The following SOX5 variants were observed in gnomAD, a reference collection of about 807,000 sequenced individuals.
The protein encoded by SOX5 is SRY-box transcription factor 5.
Under a neutral mutation model 92.0 loss-of-function variants are expected in SOX5, and 9 were observed. The observed-to-expected ratio is 0.10, with a 90% CI of 0.06 to 0.17. The LOEUF is 0.17. SOX5 is among the 10% of genes least tolerant of loss of function. The pLI, the probability that SOX5 is intolerant of heterozygous loss-of-function variation, is 1.00. For missense variants in SOX5, 642 were observed against 944.5 expected (o/e 0.68, Z 4.20); for synonymous variants, 344 against 336.3 (o/e 1.02, Z -0.25).
intron 2 of SOX5, among the ~76,000 whole-genome samples, chr12:24,346,135 G>T (rs1027105008): frequency 1.3e-5 from 2 of 152,150 alleles, no homozygotes; most frequent in African/African-American, 4.8e-5. Flanking sequence ...CTAGATTCAG[G>T]TCCTTTTATT....
intron 3 of SOX5, among the ~76,000 whole-genome samples, chr12:23,795,269 A>AC (rs1169787613): frequency 6.7e-6 from 1 of 148,298 alleles, no homozygotes; most frequent in Non-Finnish European, 1.5e-5. Context: ...TTTACCATTG[A>AC]CTTTTTTTTT....
intron 4 of SOX5, among the ~76,000 whole-genome samples, chr12:23,998,111 C>G (rs938547110): frequency 2.4e-4 from 36 of 151,850 alleles, no homozygotes; most frequent in African/African-American, 8.7e-4. Context: ...TATGAGGGAC[C>G]CCAGGTGTCA....
At chr12:23,594,126 G>A (rs1368717031) in intron 9 of SOX5, among the ~76,000 whole-genome samples, 1 of 151,998 alleles carries the variant, frequency 6.6e-6, no homozygotes, top group Non-Finnish European at 1.5e-5. Context: ...GCTTCACATA[G>A]GTGGTGACAG....
Position 23,554,864 on chromosome 12 carries a change from T to A in SOX5, c.1488+8394A>T, listed in dbSNP as rs186528852. On this transcript the variant is annotated intron_variant, in intron 11 of 14. Coordinates refer to ENST00000451604, the MANE Select transcript of SOX5 (RefSeq NM_006940.6). ...GAATCTATCTACTAAATATAGAGAGTAACTGCAAAACAAACTTCTCCTTTA... is the reference window on the plus strand; with the variant it reads ...GAATCTATCTACTAAATATAGAGAGAAACTGCAAAACAAACTTCTCCTTTA... 9.3e-4 allele frequency among the ~76,000 whole-genome samples: 141 copies of A among 152,192 alleles called. 1 individual carries two copies. The highest frequency in any genetic ancestry group is 9.1e-3 in the Admixed American group (139 of 15,292).
At chr12:24,402,563 T>C (rs1961984971) in intron 1 of SOX5, among the ~76,000 whole-genome samples, 1 of 152,184 alleles carries the variant, frequency 6.6e-6, no homozygotes, top group Non-Finnish European at 1.5e-5. Context: ...TGGATCTGCA[T>C]TTAGGAGGTT....
intron 6 of SOX5, among the ~76,000 whole-genome samples, chr12:23,686,657 A>C (rs2087644570): frequency 6.6e-6 from 1 of 152,134 alleles, no homozygotes; most frequent in Admixed American, 6.6e-5. Context: ...TCTATATCCT[A>C]TTACATTGCA....
chr12:24,148,430 G>A (rs1287449168), intron 4 of SOX5, among the ~76,000 whole-genome samples: 2 of 144,506 alleles, frequency 1.4e-5, no homozygotes, highest in Non-Finnish European at 3.0e-5. Context: ...AGGAGGCGGA[G>A]GTTGAAGTGA....
intron 4 of SOX5, among the ~76,000 whole-genome samples, chr12:24,199,439 C>G (rs1410331973): frequency 6.6e-6 from 1 of 152,172 alleles, no homozygotes; most frequent in Non-Finnish European, 1.5e-5. Flanking sequence ...ACCAATTAAA[C>G]TTAGAATCTC....
intron 1 of SOX5, among the ~76,000 whole-genome samples, chr12:24,528,546 A>G (rs2138608502): frequency 6.6e-6 from 1 of 152,360 alleles, no homozygotes; most frequent in East Asian, 1.9e-4. Context: ...AGAGTCCTTC[A>G]TTTCGGAGAG....
intron 3 of SOX5, chr12:24,227,634 G>A (rs1398640670): frequency 6.6e-6 from 1 of 152,190 alleles, no homozygotes; most frequent in African/African-American, 2.4e-5. Context: ...AACCTGGGGT[G>A]TGAATGGCCT....
intron 3 of SOX5, among the ~76,000 whole-genome samples, chr12:23,813,474 A>G (rs978898874): frequency 5.3e-5 from 8 of 152,126 alleles, no homozygotes; most frequent in Admixed American, 2.0e-4. Context: ...CAATCACAAG[A>G]TCTGATGACC....
In SOX5 at chr12:24,507,172, A is replaced by T. The variant is rs1004824663; in HGVS notation, c.-251+55157T>A. ...GAAATAATTGATTTAGGCAATAATCATCAATGGATTAAACCATTGGTTCCT... is the reference window on the plus strand; with the variant it reads ...GAAATAATTGATTTAGGCAATAATCTTCAATGGATTAAACCATTGGTTCCT... On this transcript the variant is annotated intron_variant, in intron 1 of 4. Transcript: ENST00000446891. Among the ~76,000 whole-genome samples the T allele has an allele frequency of 5.9e-5, 9 of 152,242 alleles. No homozygotes were observed. In the East Asian group the frequency reaches 1.7e-3, roughly 29 times the overall value.
chr12:23,659,633 C>G (rs1171587283), intron 7 of SOX5, among the ~76,000 whole-genome samples: 1 of 152,136 alleles, frequency 6.6e-6, no homozygotes, highest in Non-Finnish European at 1.5e-5. Flanking sequence ...TGATGTTTCT[C>G]AACATGAGCT....
chr12:24,480,325 T>C (rs1945844394), intron 1 of SOX5, among the ~76,000 whole-genome samples: 1 of 152,018 alleles, frequency 6.6e-6, no homozygotes, highest in African/African-American at 2.4e-5. Context: ...AACATTGGGG[T>C]AAATCTCCAG....
intron 3 of SOX5, among the ~76,000 whole-genome samples, chr12:23,814,873 TTTTTA>T (rs1370081501): frequency 2.8e-4 from 42 of 152,326 alleles, no homozygotes; most frequent in African/African-American, 9.9e-4. Context: ...TCCTTTTTTA[TTTTTA>T]TAAGTTTTTA....
At chr12:24,324,719 T>C (rs1263827846) in intron 2 of SOX5, among the ~76,000 whole-genome samples, 1 of 152,062 alleles carries the variant, frequency 6.6e-6, no homozygotes, top group African/African-American at 2.4e-5. Context: ...CTAACTTCCC[T>C]GAACCTCAGT....
At chr12:23,790,548 T>TCTCTCTCACACA (rs1340837266) in intron 3 of SOX5, among the ~76,000 whole-genome samples, 20 of 137,322 alleles carry the variant, frequency 1.5e-4, no homozygotes, top group African/African-American at 5.6e-4. Context: ...TCTCAATCTC[T>TCTCTCTCACACA]CACACACACA....
intron 8 of SOX5, among the ~76,000 whole-genome samples, chr12:23,626,867 T>C (rs1248721079): frequency 2.0e-5 from 3 of 152,092 alleles, no homozygotes; most frequent in Non-Finnish European, 4.4e-5. Context: ...TGCAGTTTTT[T>C]TGTGTGTGAA....
At chr12:23,855,266 C>T (rs142854561) in intron 2 of SOX5, among the ~76,000 whole-genome samples, 1,645 of 151,782 alleles carry the variant, frequency 0.011, 26 homozygotes, top group African/African-American at 0.037. Flanking sequence ...TAAAGATAAC[C>T]TAATACAAAC....
Sources: allele counts gnomAD v4.1 joint callset (sites outside exome capture counted in the v4.1 genomes callset), GRCh38; gene constraint gnomAD v4.1.1; transcripts MANE v1.5; gene names NCBI Gene and HGNC (gene_info 2026-07-23, HGNC 2026-07-21).